The following BMPR1A variants were observed in gnomAD, a reference collection of about 807,000 sequenced individuals.
The protein encoded by BMPR1A is bone morphogenetic protein receptor type 1A.
A neutral mutation model predicts 66.0 loss-of-function variants in BMPR1A; 7 were observed. The observed-to-expected ratio is 0.11, with a 90% confidence interval of 0.06 to 0.20. BMPR1A has a LOEUF of 0.20. BMPR1A is among the 10% of genes least tolerant of loss of function. BMPR1A has a pLI of 1.00. For synonymous variants in BMPR1A, 200 were observed against 229.7 expected, an observed-to-expected ratio of 0.87 and a Z score of 1.17; for missense variants, 408 against 669.1, an observed-to-expected ratio of 0.61 and a Z score of 4.31.
intron 2 of BMPR1A, among the ~76,000 whole-genome samples, chr10:86,847,483 C>T (rs529244377): frequency 1.3e-5 from 2 of 151,898 alleles, no homozygotes; most frequent in East Asian, 1.9e-4. Flanking sequence ...GGTTAGGGAA[C>T]GTCTCATTGC....
chr10:86,774,641 AAG>A (rs1279017429), intron 1 of BMPR1A, among the ~76,000 whole-genome samples: 2 of 152,226 alleles, frequency 1.3e-5, no homozygotes, highest in Non-Finnish European at 2.9e-5. Flanking sequence ...GGACCAGAAA[AAG>A]AGAACAATTT....
intron 1 of BMPR1A, among the ~76,000 whole-genome samples, chr10:86,790,180 AAAAAAAAAATAT>A (rs1841585082): frequency 6.9e-5 from 3 of 43,612 alleles, no homozygotes; most frequent in Non-Finnish European, 7.4e-5. Flanking sequence ...AAAAAAAAAA[AAAAAAAAAATAT>A]ATATATATAT....
chr10:86,805,835 A>G (rs989361525), intron 1 of BMPR1A, among the ~76,000 whole-genome samples: 2 of 151,194 alleles, frequency 1.3e-5, no homozygotes, highest in Admixed American at 6.6e-5. Flanking sequence ...GGAGTTTAAC[A>G]TTGAGGCGGC....
chr10:86,866,936 A>G lies in BMPR1A; in HGVS notation c.-152-8931A>G, dbSNP rs1842794639. On this transcript the variant is annotated intron_variant, in intron 2 of 12. Transcript: ENST00000372037. ...AATGATTTTACTTACTGTAAGGATC[A>G]CAGAGATGGGATAATGCACGTAAAA... Among the ~76,000 whole-genome samples the G allele has an allele frequency of 2.0e-5, 3 of 152,170 alleles. No individual in the cohort carries two copies. In the South Asian group the frequency reaches 6.2e-4, roughly 31 times the overall value.
In BMPR1A at chr10:86,907,029, C is replaced by G. The variant is rs182931775; in HGVS notation, c.531-5211C>G. Among the ~76,000 whole-genome samples the G allele has an allele frequency of 3.3e-5, 5 of 152,150 alleles. No individual in the cohort carries two copies. The East Asian group carries it at 9.6e-4, about 29-fold the overall frequency. On this transcript the variant is annotated intron_variant, in intron 7 of 12. Coordinates refer to ENST00000372037, the MANE Select transcript of BMPR1A (RefSeq NM_004329.3). ...TAGCATGTTTTCCCTTTCTCACATT[C>G]CTGTCTGACTTCATTTTTCTGCTGA... is the stretch of plus-strand genomic sequence containing the variant.
intron 2 of BMPR1A, among the ~76,000 whole-genome samples, chr10:86,847,492 G>GC (rs1410422491): frequency 1.3e-5 from 2 of 151,166 alleles, no homozygotes; most frequent in African/African-American, 4.9e-5. Flanking sequence ...ACGTCTCATT[G>GC]CCCCTTTTGT....
chr10:86,920,860 T>TC (rs1056026458), intron 10 of BMPR1A, among the ~76,000 whole-genome samples: 3 of 147,928 alleles, frequency 2.0e-5, no homozygotes, highest in African/African-American at 7.5e-5. Flanking sequence ...TCTTTTCTTT[T>TC]TTTTTTTTTT....
intron 2 of BMPR1A, among the ~76,000 whole-genome samples, chr10:86,841,591 T>C (rs374984501): frequency 3.3e-4 from 50 of 152,344 alleles, no homozygotes; most frequent in African/African-American, 1.1e-3. Flanking sequence ...AAAATACATA[T>C]GTGTTTTTGA....
At chr10:86,810,558 C>T (rs1242329261) in intron 1 of BMPR1A, among the ~76,000 whole-genome samples, 2 of 152,244 alleles carry the variant, frequency 1.3e-5, no homozygotes, top group South Asian at 2.1e-4. Context: ...TCCAGCTTCT[C>T]TGCATCCTTG....
At chr10:86,772,878 A>G (rs1589708673) in intron 1 of BMPR1A, among the ~76,000 whole-genome samples, 2 of 152,298 alleles carry the variant, frequency 1.3e-5, no homozygotes, top group South Asian at 4.1e-4. Context: ...CCTGAGAAGA[A>G]AGTAAAAATC....
chr10:86,889,466 T>C (rs1188269264), intron 3 of BMPR1A: 3 of 152,482 alleles, frequency 2.0e-5, no homozygotes, highest in Non-Finnish European at 4.4e-5. Context: ...ACCAAAGAGT[T>C]AAAAGAAGAA....
chr10:86,890,650 T>G (rs1199957052), intron 4 of BMPR1A, among the ~76,000 whole-genome samples: 1 of 151,998 alleles, frequency 6.6e-6, no homozygotes, highest in Non-Finnish European at 1.5e-5. Flanking sequence ...CCCAGGCTGG[T>G]CTCAAACTCC....
At chr10:86,875,670 G>A in intron 2 of BMPR1A, among the ~76,000 whole-genome samples, 197 bp from the exon 3 acceptor site, 1 of 151,896 alleles carries the variant, frequency 6.6e-6, no homozygotes, top group Non-Finnish European at 1.5e-5. Flanking sequence ...GGTCAGGAGA[G>A]GTTGCAGCCT....
At chr10:86,812,145 C>T (rs1262218430) in intron 1 of BMPR1A, among the ~76,000 whole-genome samples, 1 of 152,078 alleles carries the variant, frequency 6.6e-6, no homozygotes, top group Non-Finnish European at 1.5e-5. Flanking sequence ...TAACAAACTA[C>T]AAGTCATTAT....
At chr10:86,889,146 G>A (rs1204251946) in intron 3 of BMPR1A, among the ~76,000 whole-genome samples, 1 of 152,098 alleles carries the variant, frequency 6.6e-6, no homozygotes, top group Non-Finnish European at 1.5e-5. Context: ...TTTTAGTTCC[G>A]TTCTGCTTCC....
intron 2 of BMPR1A, chr10:86,855,881 G>T: frequency 1.4e-6 from 1 of 704,900 alleles, no homozygotes; most frequent in Non-Finnish European, 2.5e-6. Context: ...ACAATTGCTA[G>T]AAGATTCATA....
rs138287389 is a variant in BMPR1A, at chr10:86,904,014, G to C, written c.530+3888G>C. 4.2e-3 allele frequency among the ~76,000 whole-genome samples: 634 copies of C among 152,170 alleles called. 7 individuals are homozygous for C. Among genetic ancestry groups the C allele is most frequent in the African/African-American group, 0.014 (602 of 41,538 alleles). ...CACCTGCTGGGTTCAAGCGATTCTC[G>C]TGCTTCAGCTTCCCAAGTAGCTGGG... On this transcript the variant is annotated intron_variant, in intron 7 of 12. Coordinates refer to ENST00000372037, the MANE Select transcript of BMPR1A (RefSeq NM_004329.3).
chr10:86,887,532 G>T (rs1445791452), intron 3 of BMPR1A, among the ~76,000 whole-genome samples: 4 of 152,078 alleles, frequency 2.6e-5, no homozygotes, highest in African/African-American at 9.7e-5. Flanking sequence ...ATAACCTCTT[G>T]ATTTGAATTA....
At chr10:86,847,444 C>G (rs756450511) in intron 2 of BMPR1A, among the ~76,000 whole-genome samples, 3 of 152,054 alleles carry the variant, frequency 2.0e-5, no homozygotes, top group Non-Finnish European at 2.9e-5. Flanking sequence ...TTGTTTCTCC[C>G]TTCCCTGCTC....
Sources: allele counts gnomAD v4.1 joint callset (sites outside exome capture counted in the v4.1 genomes callset), GRCh38; gene constraint gnomAD v4.1.1; transcripts MANE v1.5; gene names NCBI Gene and HGNC (gene_info 2026-07-23, HGNC 2026-07-21).